The following GNB1 variants were observed in gnomAD, a reference collection of about 807,000 sequenced individuals.
GNB1 encodes G protein subunit beta 1, also known as guanine nucleotide-binding protein G(I)/G(S)/G(T) subunit beta-1.
Under a neutral mutation model 42.9 loss-of-function variants are expected in GNB1, and 2 were observed. That is an observed-to-expected ratio of 0.05 (90% CI 0.02 to 0.15). The LOEUF is 0.15. GNB1 is among the 10% of genes least tolerant of loss of function. GNB1 has a pLI of 1.00. For synonymous variants in GNB1, 183 were observed against 174.7 expected (o/e 1.05, Z -0.38); for missense variants, 193 against 462.2 (o/e 0.42, Z 5.34).
intron 1 of GNB1, among the ~76,000 whole-genome samples, chr1:1,878,570 C>G (rs546154595): frequency 6.6e-6 from 1 of 152,164 alleles, no homozygotes; most frequent in African/African-American, 2.4e-5. Flanking sequence ...ATGCCTAGAG[C>G]CCTACAGCAG....
chr1:1,812,540 T>C (rs1646796728), intron 5 of GNB1, among the ~76,000 whole-genome samples: 1 of 151,936 alleles, frequency 6.6e-6, no homozygotes, highest in Non-Finnish European at 1.5e-5. Context: ...AAAGCAGAGG[T>C]TCTCCATAAT....
intron 2 of GNB1, among the ~76,000 whole-genome samples, chr1:1,828,293 C>A (rs566999192): frequency 6.6e-6 from 1 of 152,116 alleles, no homozygotes; most frequent in African/African-American, 2.4e-5. Context: ...TGCACTCCAG[C>A]CTGAGCAACA....
rs1418459716 is a variant in GNB1 at position 1,787,018 on chromosome 1, T to G, written c.*45A>C. The G allele has an allele frequency of 8.9e-6, 2 of 224,102 alleles. No homozygotes were observed. Among genetic ancestry groups the G allele is most frequent in the Admixed American group, 5.8e-5 (1 of 17,344 alleles). The allele number at this position is 224,102 out of a possible 1,614,324, so 13.9% of individuals were successfully genotyped here. On this transcript the variant is annotated 3_prime_UTR_variant, in exon 12 of 12. Coordinates refer to ENST00000378609, the MANE Select transcript of GNB1 (RefSeq NM_002074.5). The surrounding 1 kb of genome is among the most constrained non-coding windows in gnomAD (Gnocchi z 4.4). ...ATGCTCTCATGGTAACGCGTCCAAG[T>G]TGGAATGGTCTTCCAGTCTCCATGG...
At chr1:1,883,650 A>C (rs1393212263) in intron 1 of GNB1, among the ~76,000 whole-genome samples, 1 of 152,212 alleles carries the variant, frequency 6.6e-6, no homozygotes, top group Non-Finnish European at 1.5e-5. Context: ...ATAAGGACAG[A>C]CACAGAAGTC....
At chr1:1,883,335 G>C (rs891110665) in intron 1 of GNB1, among the ~76,000 whole-genome samples, 1 of 151,760 alleles carries the variant, frequency 6.6e-6, no homozygotes, top group Non-Finnish European at 1.5e-5. Context: ...ATAAGGATGT[G>C]AGAGATTTAG....
chr1:1,829,447 G>A (rs1302232924), intron 2 of GNB1, among the ~76,000 whole-genome samples: 1 of 152,198 alleles, frequency 6.6e-6, no homozygotes, highest in Non-Finnish European at 1.5e-5. Context: ...ACATGCACCA[G>A]ACACCCTGTA....
intron 5 of GNB1, among the ~76,000 whole-genome samples, chr1:1,810,535 C>CAAAAAA (rs1213355902): frequency 4.1e-5 from 3 of 73,114 alleles, no homozygotes; most frequent in Non-Finnish European, 5.3e-5. Context: ...GACCCAGTCT[C>CAAAAAA]AAAAAAAAAA....
At chr1:1,813,671 T>G (rs1646812827) in intron 5 of GNB1, among the ~76,000 whole-genome samples, 1 of 151,806 alleles carries the variant, frequency 6.6e-6, no homozygotes, top group East Asian at 2.0e-4. Context: ...TTGTACTTTT[T>G]GTAGAGAAGG....
At chr1:1,828,229 G>A (rs1647025718) in intron 2 of GNB1, among the ~76,000 whole-genome samples, 1 of 152,154 alleles carries the variant, frequency 6.6e-6, no homozygotes. Flanking sequence ...GCTGAGGCAG[G>A]AGAATCGCTT....
chr1:1,806,688 C>A lies in GNB1; in HGVS notation c.204-150G>T, dbSNP rs1305175294. The A allele has an allele frequency of 9.5e-6, 5 of 528,416 alleles. No individual in the cohort carries two copies. In the Admixed American group the frequency reaches 1.7e-4, roughly 18 times the overall value. The allele number at this position is 528,416 out of a possible 1,614,324, so 32.7% of individuals were successfully genotyped here. On this transcript the variant is annotated intron_variant, in intron 5 of 11. Transcript: ENST00000378609. ...GCCACTTATTTATAAGAAAAAAAATCTCTGGTCGGGCACAGTTGCTCACGT... is the reference window on the plus strand; with the variant it reads ...GCCACTTATTTATAAGAAAAAAAATATCTGGTCGGGCACAGTTGCTCACGT...
intron 2 of GNB1, among the ~76,000 whole-genome samples, chr1:1,836,481 T>C (rs1647152023): frequency 1.4e-5 from 2 of 141,388 alleles, no homozygotes; most frequent in South Asian, 5.1e-4. Flanking sequence ...AGCCTCAACA[T>C]CCCGGGCTCA....
intron 1 of GNB1, among the ~76,000 whole-genome samples, chr1:1,857,159 T>C (rs1159974002): frequency 6.6e-6 from 1 of 152,222 alleles, no homozygotes; most frequent in Non-Finnish European, 1.5e-5. Context: ...GACTTCACTT[T>C]ACCCCCACTT....
At chr1:1,827,649 G>C (rs1647017214) in intron 2 of GNB1, among the ~76,000 whole-genome samples, 1 of 152,204 alleles carries the variant, frequency 6.6e-6, no homozygotes, top group Non-Finnish European at 1.5e-5. Context: ...CAGTGTCTCA[G>C]ATGGAAGCTG....
intron 1 of GNB1, among the ~76,000 whole-genome samples, chr1:1,845,858 C>CAT (rs1647628894): frequency 1.3e-5 from 2 of 151,296 alleles, no homozygotes; most frequent in South Asian, 4.2e-4. Context: ...CACACACACA[C>CAT]ACACACACAC....
At position 1,797,286 on chromosome 1, in the gene GNB1, C is replaced by A. The variant is rs368463262; in HGVS notation, c.431-3975G>T. On this transcript the variant is annotated intron_variant, in intron 7 of 11. Coordinates refer to ENST00000378609, the MANE Select transcript of GNB1 (RefSeq NM_002074.5). ...AATTAGTGCACCACACCATGAAACT[C>A]TCTACAGCTCCTGAGTTACAGAACG... 3.3e-5 allele frequency among the ~76,000 whole-genome samples: 5 copies of A among 152,190 alleles called. No homozygotes were observed. In the East Asian group the frequency reaches 9.6e-4, roughly 29 times the overall value.
rs1646473469 is a variant in GNB1 at position 1,790,930 on chromosome 1, G to C, written c.498-334C>G. Among the ~76,000 whole-genome samples the C allele has an allele frequency of 6.6e-6, 1 of 152,124 alleles. No individual in the cohort carries two copies. The highest frequency in any genetic ancestry group is 6.5e-5 in the Admixed American group (1 of 15,270). ...TGTGCCCCCTCTTTGGTCATGGATGGGCATGGAAGGGGTGGCAGGAAGCTA... is the reference window on the plus strand; with the variant it reads ...TGTGCCCCCTCTTTGGTCATGGATGCGCATGGAAGGGGTGGCAGGAAGCTA... On this transcript the variant is annotated intron_variant, in intron 8 of 11. Transcript: ENST00000378609. The surrounding 1 kb of genome is among the most constrained non-coding windows in gnomAD (Gnocchi z 5.4).
chr1:1,883,452 A>T (rs929981409), intron 1 of GNB1, among the ~76,000 whole-genome samples: 1 of 152,208 alleles, frequency 6.6e-6, no homozygotes, highest in Admixed American at 6.5e-5. Context: ...AAAAAAAGAA[A>T]AATCTCAGTA....
chr1:1,789,951 A>G (rs1270689502), intron 9 of GNB1, among the ~76,000 whole-genome samples: 6 of 152,216 alleles, frequency 3.9e-5, no homozygotes, highest in Non-Finnish European at 7.3e-5. Context: ...GGCTGTGGTC[A>G]GGACTGCAGC....
chr1:1,818,664 A>G (rs1646889634), intron 3 of GNB1, among the ~76,000 whole-genome samples: 1 of 152,148 alleles, frequency 6.6e-6, no homozygotes. Context: ...GGAGTTCAAG[A>G]CCAGCCTGGC....
Sources: allele counts gnomAD v4.1 joint callset (sites outside exome capture counted in the v4.1 genomes callset), GRCh38; gene constraint gnomAD v4.1.1; non-coding constraint Gnocchi (gnomAD v3.1); transcripts MANE v1.5; gene names NCBI Gene and HGNC (gene_info 2026-07-23, HGNC 2026-07-21).